Variants in BPTF observed in about 807,000 individuals in gnomAD.
The protein encoded by BPTF is nucleosome-remodeling factor subunit BPTF.
A neutral mutation model predicts 292.5 loss-of-function variants in BPTF; 18 were observed. The ratio of observed to expected loss-of-function variants is 0.06; its 90% CI spans 0.04 to 0.09. BPTF has a LOEUF of 0.09. Among genes scored for constraint, BPTF ranks in the 10% least tolerant of loss-of-function variants. BPTF has a pLI of 1.00. For synonymous variants in BPTF, 1,225 were observed against 1,251.9 expected (o/e 0.98, Z 0.45); for missense variants, 2,726 against 3,498.7 (o/e 0.78, Z 5.57).
intron 20 of BPTF, among the ~76,000 whole-genome samples, chr17:67,944,963 C>G (rs1485447332): frequency 6.6e-6 from 1 of 152,106 alleles, no homozygotes; most frequent in Non-Finnish European, 1.5e-5. Flanking sequence ...GCGTCCTGCC[C>G]TAAGCGTGTC....
intron 26 of BPTF, among the ~76,000 whole-genome samples, chr17:67,972,191 C>T (rs182550148): frequency 1.6e-3 from 237 of 152,036 alleles, no homozygotes; most frequent in Middle Eastern, 6.8e-3. Flanking sequence ...ATTTTTCTCT[C>T]GAGATATTTG....
intron 4 of BPTF, chr17:67,875,573 G>T: frequency 6.5e-6 from 10 of 1,542,146 alleles, no homozygotes; most frequent in Non-Finnish European, 8.8e-6. Flanking sequence ...AGAAGTTGGG[G>T]ATAAAGGTAA....
chr17:67,848,761 T>G (rs1031917776), intron 1 of BPTF, among the ~76,000 whole-genome samples: 2 of 152,122 alleles, frequency 1.3e-5, no homozygotes, highest in African/African-American at 4.8e-5. Context: ...AAATTTTGTC[T>G]CAATAACTGC....
chr17:67,851,782 T>C (rs1377381816), intron 1 of BPTF, among the ~76,000 whole-genome samples: 1 of 152,196 alleles, frequency 6.6e-6, no homozygotes, highest in Non-Finnish European at 1.5e-5. Flanking sequence ...GGTATACTGG[T>C]GTTTCCATTG....
chr17:67,921,877 C>T (rs1481246162), intron 13 of BPTF, among the ~76,000 whole-genome samples: 1 of 151,922 alleles, frequency 6.6e-6, no homozygotes, highest in Non-Finnish European at 1.5e-5. Context: ...TCTAAAAATA[C>T]AGAAATTAGC....
At position 67,833,245 on chromosome 17, in the gene BPTF, C is replaced by CT. The variant is rs530573535; in HGVS notation, c.613+6922dup. Among the ~76,000 whole-genome samples, 603 of 143,048 alleles carry CT rather than the reference C, an allele frequency of 4.2e-3. 1 individual carries two copies. Among genetic ancestry groups the CT allele is most frequent in the Middle Eastern group, 0.015 (4 of 272 alleles). The allele number at this position is 143,048 out of a possible 152,430, so 93.8% of individuals were successfully genotyped here. A position where few individuals can be genotyped will look rare whatever the true frequency, so the allele number is the denominator to read the frequency against. On this transcript the variant is annotated intron_variant, in intron 1 of 27. Transcript: ENST00000306378. ...ACACTTCATTGTATGGCTATACAGC[C>CT]TTTTTTTTTTTTTTATGGAGACAGG... is the stretch of plus-strand genomic sequence containing the variant.
Position 67,911,148 on chromosome 17 carries a change from T to C in BPTF, c.3264T>C (p.Ile1088=). The change falls in exon 11 of 28, where the codon ATT becomes ATC. Residue 1088 remains isoleucine (I), a synonymous_variant. Coordinates refer to ENST00000306378, the MANE Select transcript of BPTF (RefSeq NM_182641.4). The part of the protein sequence containing the change: ...RLEKIKLEGG[I]KGIGKTSTNS... The stretch of plus-strand genomic sequence containing the variant: ...AAAAAATCAAGTTGGAGGGTGGAAT[T>C]AAGGGTATAGGAAAGACTTCTACAA... The C allele has an allele frequency of 6.2e-7, 1 of 1,613,932 alleles. No homozygotes were observed.
At chr17:67,945,140 A>G (rs1555673793) in intron 20 of BPTF, among the ~76,000 whole-genome samples, 1 of 152,144 alleles carries the variant, frequency 6.6e-6, no homozygotes, top group African/African-American at 2.4e-5. Context: ...GACGCAAGCA[A>G]TCCTCCCACC....
intron 7 of BPTF, among the ~76,000 whole-genome samples, chr17:67,900,439 G>A (rs1019241405): frequency 2.0e-5 from 3 of 151,850 alleles, no homozygotes; most frequent in Non-Finnish European, 2.9e-5. Flanking sequence ...CCTGTGTAAA[G>A]CAATCTTTAG....
At chr17:67,933,241 AGAGT>A (rs756874415) in intron 18 of BPTF, among the ~76,000 whole-genome samples, 5 of 150,648 alleles carry the variant, frequency 3.3e-5, no homozygotes, top group Non-Finnish European at 7.4e-5. Flanking sequence ...CTGGGCAAAA[AGAGT>A]GAGACTCCGT....
At chr17:67,902,608 G>C (rs2061919910) in intron 7 of BPTF, among the ~76,000 whole-genome samples, 4 of 152,186 alleles carry the variant, frequency 2.6e-5, no homozygotes, top group African/African-American at 9.7e-5. Context: ...GTTGAGTGCA[G>C]TTAATAGGCA....
chr17:67,980,781 A>G (rs1160707324), intron 27 of BPTF, among the ~76,000 whole-genome samples: 3 of 152,230 alleles, frequency 2.0e-5, no homozygotes, highest in Admixed American at 2.0e-4. Context: ...TATTTTATGT[A>G]GTTTTTAAAT....
intron 1 of BPTF, among the ~76,000 whole-genome samples, chr17:67,826,586 C>CA (rs1034645915): frequency 3.4e-5 from 5 of 147,992 alleles, no homozygotes; most frequent in African/African-American, 1.2e-4. Flanking sequence ...TCTCTCCCCC[C>CA]CCCAACCCCC....
At chr17:67,958,012 A>G (rs1244572672) in intron 23 of BPTF, among the ~76,000 whole-genome samples, 1 of 152,226 alleles carries the variant, frequency 6.6e-6, no homozygotes, top group Non-Finnish European at 1.5e-5. Context: ...GGTGTGCTTA[A>G]AAAGTATGGC....
chr17:67,835,759 G>A (rs1192780315), intron 1 of BPTF, among the ~76,000 whole-genome samples: 3 of 151,092 alleles, frequency 2.0e-5, no homozygotes, highest in Non-Finnish European at 1.5e-5. Flanking sequence ...TCTGCCTCCC[G>A]GGTTCACGCC....
intron 11 of BPTF, among the ~76,000 whole-genome samples, chr17:67,916,659 G>A (rs1228843182): frequency 2.6e-5 from 4 of 151,460 alleles, no homozygotes; most frequent in African/African-American, 4.9e-5. Flanking sequence ...CCGGCTACTC[G>A]GGAGGCTGAG....
At position 67,945,654 on chromosome 17, in the gene BPTF, A is replaced by G. The variant is rs868925682; in HGVS notation, c.6946A>G (p.Thr2316Ala). 1.9e-6 allele frequency: 3 copies of G among 1,613,626 alleles called. No homozygotes were observed. Among genetic ancestry groups the G allele is most frequent in the Middle Eastern group, 3.3e-4 (2 of 6,056 alleles). ...SSHVPSEAQP[T>A]HAQSSKPQVA... is the part of the protein sequence containing the mutation. The stretch of plus-strand genomic sequence containing the variant: ...CCATGTCCCTTCTGAAGCACAACCC[A>G]CCCACGCACAGTCATCCAAGCCCCA... The change falls in exon 21 of 28, where the codon ACC becomes GCC. Residue 2316 changes from threonine to alanine, a missense_variant. By Grantham distance (58) the Thr-to-Ala change is moderately conservative. This residue lies in a region of BPTF where 570 missense variants were observed against 633.5 expected (regional missense o/e 0.90). Coordinates refer to ENST00000306378, the MANE Select transcript of BPTF (RefSeq NM_182641.4).
intron 4 of BPTF, among the ~76,000 whole-genome samples, chr17:67,886,835 G>T (rs1346049330): frequency 6.6e-6 from 1 of 152,058 alleles, no homozygotes; most frequent in East Asian, 1.9e-4. Context: ...TAAAGCTGCT[G>T]CATGGTACTC....
intron 27 of BPTF, among the ~76,000 whole-genome samples, chr17:67,977,130 T>A (rs2069585990): frequency 6.6e-6 from 1 of 152,208 alleles, no homozygotes; most frequent in Admixed American, 6.5e-5. Flanking sequence ...CCTAGAAGTC[T>A]GTGCAGCCAG....
Sources: gnomAD v4.1 joint callset for allele counts (sites outside exome capture counted in the v4.1 genomes callset) on GRCh38, gnomAD v4.1.1 for gene constraint, gnomAD v4.1.1 regional missense constraint, MANE v1.5 for transcripts, NCBI Gene and HGNC (gene_info 2026-07-23, HGNC 2026-07-21) for gene names.